TMEM164: variants seen among roughly 807,000 people sequenced by gnomAD.
The protein encoded by TMEM164 is transmembrane protein 164, also known as RP13-360B22.2.
TMEM164 carries 4 observed loss-of-function variants against 18.8 expected under a neutral mutation model. That is an observed-to-expected ratio of 0.21 (90% CI 0.10 to 0.49). The LOEUF is 0.49. Among genes scored for constraint, TMEM164 ranks in the 20% least tolerant of loss-of-function variants. The pLI, the probability that TMEM164 is intolerant of heterozygous loss-of-function variation, is 0.98. For synonymous variants in TMEM164, 86 were observed against 101.7 expected (o/e 0.85, Z 0.93); for missense variants, 108 against 239.9 (o/e 0.45, Z 3.63).
At chrX:110,065,382 T>G (rs1936292495) in intron 2 of TMEM164, 2 of 111,618 alleles carry the variant, frequency 1.8e-5, no homozygotes, top group South Asian at 7.5e-4. Context: ...ATGACTCTGG[T>G]GACTCCAGAA....
chrX:110,171,018 G>A (rs1033816102), intron 5 of TMEM164, among the ~76,000 whole-genome samples: 11 of 111,881 alleles, frequency 9.8e-5, no homozygotes, highest in Non-Finnish European at 1.9e-4. Flanking sequence ...TTAGAAACAC[G>A]AGGAAATAAA....
chrX:110,058,789 A>AT (rs750678538), intron 2 of TMEM164, among the ~76,000 whole-genome samples: 88 of 97,229 alleles, frequency 9.1e-4, no homozygotes, highest in South Asian at 8.9e-3. Flanking sequence ...CGCCTGGCTA[A>AT]TTTTTTTTTT....
intron 2 of TMEM164, chrX:110,055,341 G>A (rs1477252477): frequency 2.6e-6 from 1 of 383,443 alleles, no homozygotes; most frequent in South Asian, 2.4e-5. Flanking sequence ...GAATGGCTAT[G>A]CACTGCACAA....
chrX:110,067,154 GCACACACACA>G (rs56336159), intron 2 of TMEM164, among the ~76,000 whole-genome samples, 183 bp from the exon 3 acceptor site: 2 of 101,643 alleles, frequency 2.0e-5, no homozygotes, highest in South Asian at 4.6e-4. Context: ...TCATGTGTGC[GCACACACACA>G]CACACACACA....
chrX:110,004,432 C>G (rs1602455357), intron 2 of TMEM164, among the ~76,000 whole-genome samples: 1 of 111,086 alleles, frequency 9.0e-6, no homozygotes, highest in South Asian at 3.8e-4. Context: ...CCCTTCCAGC[C>G]CAGCCCAACC....
At chrX:110,077,878 GC>G (rs2065695866) in intron 3 of TMEM164, among the ~76,000 whole-genome samples, 1 of 111,866 alleles carries the variant, frequency 8.9e-6, no homozygotes, top group Admixed American at 9.5e-5. Context: ...TTGTCTAGCT[GC>G]CTTTAAGATT....
chrX:110,179,766 A>G (rs948036461), downstream of TMEM164, among the ~76,000 whole-genome samples: 4 of 112,125 alleles, frequency 3.6e-5, no homozygotes, highest in African/African-American at 1.3e-4. Context: ...CTCTGTAGAC[A>G]TTAAGCTCCT....
intron 2 of TMEM164, among the ~76,000 whole-genome samples, chrX:110,046,668 A>G (rs1416959208): frequency 8.9e-6 from 1 of 112,592 alleles, no homozygotes; most frequent in Non-Finnish European, 1.9e-5. Flanking sequence ...CTTTTAAAAA[A>G]CTAAAATAGA....
chrX:110,169,145 C>T (rs957323655), intron 5 of TMEM164, among the ~76,000 whole-genome samples: 4 of 111,884 alleles, frequency 3.6e-5, no homozygotes, highest in East Asian at 2.8e-4. Context: ...TACAGGCAGC[C>T]GCCAAAGACC....
Position 110,042,621 on chromosome X carries a change from G to T in TMEM164, c.391-24726G>T, listed in dbSNP as rs144644120. ...TGCCAAACTGTTTTCCACAGCAACT[G>T]GCCACTTTACATTCCCACCAGTAAT... On this transcript the variant is annotated intron_variant, in intron 2 of 6. Coordinates refer to ENST00000372068, the MANE Select transcript of TMEM164 (RefSeq NM_032227.4). 5.1e-3 allele frequency among the ~76,000 whole-genome samples: 573 copies of T among 111,527 alleles called. 6 individuals are homozygous for T. Among genetic ancestry groups the T allele is most frequent in the African/African-American group, 0.018 (544 of 30,644 alleles).
intron 5 of TMEM164, among the ~76,000 whole-genome samples, chrX:110,155,186 CCTCCTTTGAGACACTTGTTT>C (rs1482069782): frequency 9.0e-6 from 1 of 110,916 alleles, no homozygotes; most frequent in Non-Finnish European, 1.9e-5. Flanking sequence ...ACTGGTCCTC[CCTCCTTTGAGACACTTGTTT>C]CTCCTTTGAG....
intron 2 of TMEM164, among the ~76,000 whole-genome samples, chrX:110,009,176 A>G (rs1260235946): frequency 8.9e-6 from 1 of 112,086 alleles, no homozygotes; most frequent in Non-Finnish European, 1.9e-5. Flanking sequence ...TACTCAGTGG[A>G]TGATCCACAA....
intron 3 of TMEM164, among the ~76,000 whole-genome samples, chrX:110,091,400 C>A (rs1188353515): frequency 4.5e-5 from 5 of 112,109 alleles, no homozygotes; most frequent in Non-Finnish European, 5.6e-5. Context: ...GATCGCCATT[C>A]TAACTGGTGT....
chrX:110,165,845 A>C (rs889222913), intron 5 of TMEM164, among the ~76,000 whole-genome samples: 1 of 112,527 alleles, frequency 8.9e-6, no homozygotes, highest in African/African-American at 3.2e-5. Flanking sequence ...CAAGTCCTCT[A>C]TGCCACTGCA....
downstream of TMEM164, among the ~76,000 whole-genome samples, chrX:110,184,146 G>A (rs142976134): frequency 4.4e-3 from 488 of 110,295 alleles, 1 homozygote; most frequent in African/African-American, 0.015. Flanking sequence ...TAGGCTGTGT[G>A]TGTGATGGGT....
At chrX:110,144,333 G>T (rs964751803) in intron 4 of TMEM164, among the ~76,000 whole-genome samples, 7 of 112,057 alleles carry the variant, frequency 6.2e-5, no homozygotes, top group Non-Finnish European at 1.3e-4. Flanking sequence ...GTCTCCAGGA[G>T]CAGGAAGTGA....
At chrX:110,163,442 T>C (rs2067118641) in intron 5 of TMEM164, among the ~76,000 whole-genome samples, 1 of 112,080 alleles carries the variant, frequency 8.9e-6, no homozygotes, top group African/African-American at 3.2e-5. Context: ...TCCTTTGAAA[T>C]CCAGTGCACA....
At chrX:110,155,414 C>T (rs894606794) in intron 5 of TMEM164, among the ~76,000 whole-genome samples, 7 of 110,788 alleles carry the variant, frequency 6.3e-5, no homozygotes, top group African/African-American at 2.3e-4. Flanking sequence ...GCTTGTCTTC[C>T]TCCTCTGTTT....
At position 110,004,020 on chromosome X, in the gene TMEM164, G is replaced by T; in HGVS notation, c.246G>T (p.Arg82=). Residue 82 remains arginine, a synonymous_variant, in exon 2 of 7, where the codon CGG becomes CGT. Coordinates refer to ENST00000372068, the MANE Select transcript of TMEM164 (RefSeq NM_032227.4). ...PGSQPEQVTQ[R]PEEGKESLSK... ...GCCAGCCAGAGCAGGTGACCCAGCG[G>T]CCAGAGGAAGGCAAGGAGAGCCTGA... is the stretch of plus-strand genomic sequence containing the variant. The T allele has an allele frequency of 8.3e-7, 1 of 1,211,516 alleles. No homozygotes were observed. The highest frequency in any genetic ancestry group is 1.7e-5 in the African/African-American group (1 of 57,696).
Sources: gnomAD v4.1 joint callset for allele counts (sites outside exome capture counted in the v4.1 genomes callset) on GRCh38, gnomAD v4.1.1 for gene constraint, MANE v1.5 for transcripts, NCBI Gene and HGNC (gene_info 2026-07-23, HGNC 2026-07-21) for gene names.